Variants in E2F7 observed in about 807,000 individuals in gnomAD.
E2F7 encodes E2F transcription factor 7.
E2F7 carries 35 observed loss-of-function variants against 81.1 expected under a neutral mutation model. That is an observed-to-expected ratio of 0.43 (90% CI 0.33 to 0.57). The LOEUF is 0.57. Ranked by LOEUF, E2F7 falls within the 20% of genes least tolerant of loss-of-function variation. The pLI is 0.04. For synonymous variants in E2F7, 416 were observed against 416.2 expected (o/e 1.00, Z 0.01); for missense variants, 961 against 1,093.7 (o/e 0.88, Z 1.71).
chr12:77,038,155 CA>C (rs1297091497), intron 7 of E2F7, among the ~76,000 whole-genome samples: 2 of 152,066 alleles, frequency 1.3e-5, no homozygotes, highest in Non-Finnish European at 2.9e-5. Flanking sequence ...ATCCATTCCA[CA>C]AAACTTTAAA....
At chr12:77,036,179 C>T (rs1954848358) in intron 7 of E2F7, among the ~76,000 whole-genome samples, 1 of 152,094 alleles carries the variant, frequency 6.6e-6, no homozygotes, top group African/African-American at 2.4e-5. Context: ...CCAAGAAACG[C>T]AACAAAACCA....
chr12:77,046,933 C>T lies in E2F7; in HGVS notation c.539-605G>A, dbSNP rs545839774. ...ATGCAGGTGTCAAGGGCTTGAATAC[C>T]CTTCTCATATTGCTGAAAGAAGCCA... On this transcript the variant is annotated intron_variant, in intron 4 of 12. Coordinates refer to ENST00000322886, the MANE Select transcript of E2F7 (RefSeq NM_203394.3). Among the ~76,000 whole-genome samples the T allele has an allele frequency of 3.9e-5, 6 of 152,250 alleles. No homozygotes were observed. The South Asian group carries it at 1.0e-3, about 26-fold the overall frequency.
chr12:77,055,823 T>TA (rs772924643), intron 3 of E2F7, 32 bp downstream of exon 3: 24 of 1,537,144 alleles, frequency 1.6e-5, no homozygotes, highest in Non-Finnish European at 2.1e-5. Context: ...GTTTAAGTTC[T>TA]AAAAAATCCC....
At chr12:77,053,653 C>T (rs1487890152) in intron 3 of E2F7, among the ~76,000 whole-genome samples, 9 of 152,144 alleles carry the variant, frequency 5.9e-5, no homozygotes, top group African/African-American at 2.2e-4. Context: ...TCTGTATTAG[C>T]CCTAAACTGC....
At chr12:77,038,536 A>G (rs1205588910) in intron 7 of E2F7, among the ~76,000 whole-genome samples, 1 of 152,220 alleles carries the variant, frequency 6.6e-6, no homozygotes, top group Non-Finnish European at 1.5e-5. Flanking sequence ...AGACATCAAA[A>G]GGGAAAATAC....
chr12:77,027,817 A>T, intron 11 of E2F7, 66 bp downstream of exon 11: 1 of 1,573,622 alleles, frequency 6.4e-7, no homozygotes, highest in South Asian at 1.2e-5. Context: ...CACAGACAAA[A>T]ATTTAAAAAT....
At chr12:77,058,710 T>C (rs558471471) in intron 2 of E2F7, among the ~76,000 whole-genome samples, 47 of 152,320 alleles carry the variant, frequency 3.1e-4, no homozygotes, top group South Asian at 2.7e-3. Flanking sequence ...TCTCAAGGGT[T>C]ATGAGATTAG....
chr12:77,058,398 G>A (rs75969881), intron 2 of E2F7, among the ~76,000 whole-genome samples: 132 of 152,230 alleles, frequency 8.7e-4, no homozygotes, highest in African/African-American at 3.0e-3. Flanking sequence ...AAAATCATCG[G>A]TATGCAAGAA....
At position 77,030,185 on chromosome 12, in the gene E2F7, C is replaced by T; in HGVS notation, c.1530G>A (p.Gln510=). ...PVFSVAQTDL[Q]AFSMQNGLNG... is the part of the protein sequence containing the mutation. ...TCAGACCGTTCTGCATGGAGAATGC[C>T]TGCAGGTCCGTCTGAGCAACAGAAA... Residue 510 remains glutamine, a synonymous_variant, in exon 10 of 13, where the codon CAG becomes CAA. Coordinates refer to ENST00000322886, the MANE Select transcript of E2F7 (RefSeq NM_203394.3). 6.2e-7 allele frequency: 1 copy of T among 1,614,148 alleles called. No homozygotes were observed. Among genetic ancestry groups the T allele is most frequent in the Non-Finnish European group, 8.5e-7 (1 of 1,180,024 alleles).
chr12:77,032,350 A>G (rs1211045502), intron 9 of E2F7, among the ~76,000 whole-genome samples: 1 of 152,228 alleles, frequency 6.6e-6, no homozygotes, highest in Non-Finnish European at 1.5e-5. Context: ...TGGACAAACC[A>G]TGACAGCAAA....
At chr12:77,061,287 C>A (rs1029214233) in intron 2 of E2F7, among the ~76,000 whole-genome samples, 10 of 152,328 alleles carry the variant, frequency 6.6e-5, no homozygotes, top group African/African-American at 1.9e-4. Flanking sequence ...CAGGTACAAA[C>A]ATATTCCAAA....
intron 12 of E2F7, among the ~76,000 whole-genome samples, chr12:77,024,716 A>G (rs1205635866): frequency 6.6e-6 from 1 of 152,218 alleles, no homozygotes; most frequent in East Asian, 1.9e-4. Flanking sequence ...TCACTGCTCT[A>G]TCTTCACTGC....
Position 77,030,167 on chromosome 12 carries a change from G to A in E2F7, c.1548C>T (p.Asn516=), listed in dbSNP as rs764704655. 1.1e-5 allele frequency: 17 copies of A among 1,614,054 alleles called. No homozygotes were observed. Among genetic ancestry groups the A allele is most frequent in the Middle Eastern group, 1.6e-4 (1 of 6,084 alleles). ...AGACATCCACTTGTCCATTCAGACC[G>A]TTCTGCATGGAGAATGCCTGCAGGT... is the stretch of plus-strand genomic sequence containing the variant. ...QTDLQAFSMQ[N]GLNGQVDVSL... is the part of the protein sequence containing the mutation. The change falls in exon 10 of 13, where the codon AAC becomes AAT. Residue 516 remains asparagine, a synonymous_variant. Coordinates refer to ENST00000322886, the MANE Select transcript of E2F7 (RefSeq NM_203394.3).
rs1954882604 is a variant in E2F7, at chr12:77,040,065, C to A, written c.1123+3000G>T. Among the ~76,000 whole-genome samples the A allele has an allele frequency of 5.3e-5, 8 of 152,166 alleles. No homozygotes were observed. The South Asian group carries it at 1.7e-3, about 32-fold the overall frequency. On this transcript the variant is annotated intron_variant, in intron 7 of 12. Coordinates refer to ENST00000322886, the MANE Select transcript of E2F7 (RefSeq NM_203394.3). ...AAACACTGAATTAGCAAATACTGAC[C>A]CATTGCTTCTAGGGGACATAAAGGG...
intron 12 of E2F7, 117 bp from the exon 13 acceptor site, chr12:77,024,302 CTTT>C (rs1238340747): frequency 9.0e-7 from 1 of 1,112,896 alleles, no homozygotes; most frequent in East Asian, 2.6e-5. Context: ...GTTCCTTCTT[CTTT>C]GCTTTCTTAT....
At chr12:77,036,526 T>C (rs1954850831) in intron 7 of E2F7, among the ~76,000 whole-genome samples, 1 of 123,474 alleles carries the variant, frequency 8.1e-6, no homozygotes, top group Admixed American at 8.8e-5. Context: ...GAGTAAGACC[T>C]TTGTCTCCAA....
intron 12 of E2F7, among the ~76,000 whole-genome samples, chr12:77,024,828 G>A (rs1954745057): frequency 6.6e-6 from 1 of 152,110 alleles, no homozygotes; most frequent in African/African-American, 2.4e-5. Flanking sequence ...GCAAACTTTT[G>A]AGCCTCTGAA....
At chr12:77,034,453 T>G (rs17042771) in intron 7 of E2F7, among the ~76,000 whole-genome samples, 1,594 of 152,322 alleles carry the variant, frequency 0.01, 25 homozygotes, top group African/African-American at 0.035. Context: ...TGAGATCAGC[T>G]TCCTATGCCA....
At chr12:77,040,828 T>A (rs1954888022) in intron 7 of E2F7, among the ~76,000 whole-genome samples, 1 of 152,216 alleles carries the variant, frequency 6.6e-6, no homozygotes, top group South Asian at 2.1e-4. Context: ...TCCTGCCATT[T>A]ATTGCATATC....
Sources: allele counts gnomAD v4.1 joint callset (sites outside exome capture counted in the v4.1 genomes callset), GRCh38; gene constraint gnomAD v4.1.1; transcripts MANE v1.5; gene names NCBI Gene and HGNC (gene_info 2026-07-23, HGNC 2026-07-21).